DIAPH2: variants seen among roughly 807,000 people sequenced by gnomAD.
DIAPH2 encodes diaphanous related formin 2, also known as protein diaphanous homolog 2.
In DIAPH2, 35 loss-of-function variants were observed where a neutral mutation model predicts 92.7. The ratio of observed to expected loss-of-function variants is 0.38; its 90% CI spans 0.29 to 0.50. The LOEUF (loss-of-function observed/expected upper bound fraction) is 0.50, where lower values mean the gene tolerates loss of function less well. Among genes scored for constraint, DIAPH2 ranks in the 20% least tolerant of loss-of-function variants. DIAPH2 has a pLI of 0.94. For missense variants in DIAPH2, 701 were observed against 819.5 expected, an observed-to-expected ratio of 0.86 and a Z score of 1.77; for synonymous variants, 301 against 280.4, an observed-to-expected ratio of 1.07 and a Z score of -0.73.
chrX:97,281,138 A>G (rs1273048241), intron 23 of DIAPH2, among the ~76,000 whole-genome samples: 1 of 112,147 alleles, frequency 8.9e-6, no homozygotes, highest in Non-Finnish European at 1.9e-5. Flanking sequence ...TTTTATATTT[A>G]ATAGTGCTAT....
At chrX:97,317,900 T>TTTGATACATAGATAC (rs2068853205) in intron 23 of DIAPH2, among the ~76,000 whole-genome samples, 1 of 112,046 alleles carries the variant, frequency 8.9e-6, no homozygotes, top group Admixed American at 9.5e-5. Context: ...GATACATAGC[T>TTTGATACATAGATAC]ATATTATGAT....
chrX:96,803,572 A>G (rs1602520326), intron 4 of DIAPH2, among the ~76,000 whole-genome samples: 1 of 112,521 alleles, frequency 8.9e-6, no homozygotes, highest in Non-Finnish European at 1.9e-5. Flanking sequence ...TGCAGAACAA[A>G]GAAAGAATAC....
chrX:97,378,378 G>A (rs1014971656), intron 24 of DIAPH2, among the ~76,000 whole-genome samples: 5 of 98,389 alleles, frequency 5.1e-5, no homozygotes, highest in African/African-American at 1.5e-4. Context: ...GTGAGACTCC[G>A]TCTCAAAAAA....
intron 22 of DIAPH2, among the ~76,000 whole-genome samples, chrX:97,191,412 T>G (rs768206578): frequency 3.1e-4 from 35 of 111,479 alleles, no homozygotes; most frequent in African/African-American, 1.0e-3. Flanking sequence ...AATTACACAT[T>G]TGTTGGATTT....
intron 20 of DIAPH2, among the ~76,000 whole-genome samples, chrX:97,106,716 G>A (rs971598005): frequency 9.0e-6 from 1 of 110,623 alleles, no homozygotes; most frequent in Admixed American, 9.6e-5. Context: ...GGTGGATCAC[G>A]AGATCAGGAG....
intron 25 of DIAPH2, among the ~76,000 whole-genome samples, chrX:97,385,905 A>G (rs1262038875): frequency 8.9e-6 from 1 of 112,323 alleles, no homozygotes; most frequent in Non-Finnish European, 1.9e-5. Context: ...TAACTTGCCC[A>G]AGGTCACAAT....
intron 4 of DIAPH2, 67 bp downstream of exon 4, chrX:96,758,325 A>C: frequency 1.0e-6 from 1 of 956,273 alleles, no homozygotes; most frequent in Non-Finnish European, 1.4e-6. Flanking sequence ...TTGCTTAAAA[A>C]TAAACAAACC....
At chrX:97,329,343 T>TC (rs982876777) in intron 23 of DIAPH2, among the ~76,000 whole-genome samples, 3 of 111,428 alleles carry the variant, frequency 2.7e-5, no homozygotes, top group Non-Finnish European at 1.9e-5. Context: ...AAAATCACTT[T>TC]CCCCCACCCA....
At chrX:97,178,990 C>A (rs2067517437) in intron 22 of DIAPH2, among the ~76,000 whole-genome samples, 1 of 111,413 alleles carries the variant, frequency 9.0e-6, no homozygotes, top group Admixed American at 9.6e-5. Context: ...GTGCCTTGAT[C>A]TTTGACATCC....
intron 24 of DIAPH2, among the ~76,000 whole-genome samples, chrX:97,363,024 A>G (rs2069340246): frequency 8.9e-6 from 1 of 112,576 alleles, no homozygotes. Flanking sequence ...TTCATCAGCC[A>G]TGTATCCTTA....
chrX:97,002,782 C>A lies in DIAPH2; in HGVS notation c.2050+37575C>A, dbSNP rs1569276287. On this transcript the variant is annotated intron_variant, in intron 17 of 26. Transcript: ENST00000324765. ...CAACACCTCAAGTATGTATTCTTTT[C>A]TTTTTGTTATACACAATCTAATTAT... Among the ~76,000 whole-genome samples, 4 of 111,399 alleles carry A rather than the reference C, an allele frequency of 3.6e-5. No individual in the cohort carries two copies. In the South Asian group the frequency reaches 1.1e-3, roughly 32 times the overall value.
intron 17 of DIAPH2, among the ~76,000 whole-genome samples, chrX:96,980,504 T>C (rs780912611): frequency 2.7e-5 from 3 of 109,997 alleles, no homozygotes; most frequent in Admixed American, 9.7e-5. Context: ...TCAGAGTTGG[T>C]TTTGGGAAAA....
At chrX:96,686,606 G>T (rs2063772479) in intron 1 of DIAPH2, among the ~76,000 whole-genome samples, 1 of 111,520 alleles carries the variant, frequency 9.0e-6, no homozygotes, top group African/African-American at 3.3e-5. Flanking sequence ...AGCTTGATAC[G>T]GTAGAACAAG....
rs138924762 is a variant in DIAPH2 at position 96,978,059 on chromosome X, A to G, written c.2050+12852A>G. Reference sequence around the variant, plus strand: ...GTGGGAAATTGTAACATTGCTGTATAAAACTACAAAGAGGTGTGCTTTGTT... The same window carrying G: ...GTGGGAAATTGTAACATTGCTGTATGAAACTACAAAGAGGTGTGCTTTGTT... On this transcript the variant is annotated intron_variant, in intron 17 of 26. Transcript: ENST00000324765. 8.0e-5 allele frequency among the ~76,000 whole-genome samples: 9 copies of G among 112,236 alleles called. No individual in the cohort carries two copies. In the East Asian group the frequency reaches 2.5e-3, roughly 31 times the overall value.
chrX:97,492,668 G>A (rs1237666746), intron 26 of DIAPH2, among the ~76,000 whole-genome samples: 1 of 111,343 alleles, frequency 9.0e-6, no homozygotes, highest in East Asian at 2.8e-4. Flanking sequence ...GCCAGATATA[G>A]TATTCTTGAT....
At chrX:97,291,902 A>G (rs1330989498) in intron 23 of DIAPH2, among the ~76,000 whole-genome samples, 1 of 111,236 alleles carries the variant, frequency 9.0e-6, no homozygotes, top group Admixed American at 9.7e-5. Context: ...CAGGCAAGGC[A>G]TATGTTATTA....
chrX:97,202,028 A>C (rs1422331893), intron 22 of DIAPH2, among the ~76,000 whole-genome samples: 5 of 111,686 alleles, frequency 4.5e-5, no homozygotes, highest in African/African-American at 1.6e-4. Context: ...TTCTTAAAGA[A>C]TTTTCATCCC....
intron 26 of DIAPH2, among the ~76,000 whole-genome samples, chrX:97,555,924 T>C (rs1437243007): frequency 9.8e-5 from 11 of 112,094 alleles, no homozygotes; most frequent in Non-Finnish European, 1.7e-4. Context: ...TCGCAGTTAC[T>C]CTACCATTCT....
intron 22 of DIAPH2, among the ~76,000 whole-genome samples, chrX:97,230,534 A>G (rs1434121385): frequency 8.9e-6 from 1 of 111,874 alleles, no homozygotes; most frequent in Non-Finnish European, 1.9e-5. Context: ...ACATTTTACA[A>G]AGAGTCACAG....
Sources: gnomAD v4.1 joint callset for allele counts (sites outside exome capture counted in the v4.1 genomes callset) on GRCh38, gnomAD v4.1.1 for gene constraint, MANE v1.5 for transcripts, NCBI Gene and HGNC (gene_info 2026-07-23, HGNC 2026-07-21) for gene names.